The following ARNT2 variants were observed in gnomAD, a reference collection of about 807,000 sequenced individuals.
ARNT2 encodes the protein aryl hydrocarbon receptor nuclear translocator 2.
ARNT2 carries 36 observed loss-of-function variants against 91.7 expected under a neutral mutation model. The observed-to-expected ratio is 0.39, with a 90% CI of 0.30 to 0.52. ARNT2 has a LOEUF of 0.52. ARNT2 is among the 20% of genes least tolerant of loss of function. The probability of loss-of-function intolerance (pLI) is 0.72; values close to 1 mark genes in which losing one functional copy is unlikely to be tolerated. For synonymous variants in ARNT2, 365 were observed against 347.1 expected (o/e 1.05, Z -0.57); for missense variants, 775 against 939.3 (o/e 0.83, Z 2.29).
intron 5 of ARNT2, among the ~76,000 whole-genome samples, chr15:80,506,330 A>C (rs1031813155): frequency 2.6e-5 from 4 of 152,238 alleles, no homozygotes; most frequent in Non-Finnish European, 4.4e-5. Flanking sequence ...GCATGCTAGG[A>C]GAGAGTGGAC....
intron 6 of ARNT2, among the ~76,000 whole-genome samples, chr15:80,512,411 C>T (rs1897357517): frequency 6.6e-6 from 1 of 152,240 alleles, no homozygotes. Context: ...CCACCTGCCT[C>T]AGGTCACAGG....
At chr15:80,460,694 G>C (rs1373372216) in intron 3 of ARNT2, among the ~76,000 whole-genome samples, 1 of 152,232 alleles carries the variant, frequency 6.6e-6, no homozygotes, top group Non-Finnish European at 1.5e-5. Flanking sequence ...AGTGGGCTGA[G>C]GACTGATGGG....
chr15:80,423,470 G>T (rs1045432287), intron 1 of ARNT2, among the ~76,000 whole-genome samples: 1 of 152,092 alleles, frequency 6.6e-6, no homozygotes, highest in Non-Finnish European at 1.5e-5. Flanking sequence ...TTTTTTCAGT[G>T]TCTACTGAGA....
At position 80,515,640 on chromosome 15, in the gene ARNT2, G is replaced by A. The variant is rs1181666932; in HGVS notation, c.877+1235G>A. On this transcript the variant is annotated intron_variant, in intron 8 of 18. Coordinates refer to ENST00000303329, the MANE Select transcript of ARNT2 (RefSeq NM_014862.4). ...TGTTTCTTTTGGGGGTGACAGAGGTGTTCTAAAATTACATAGTGGTAATAG... is the reference window on the plus strand; with the variant it reads ...TGTTTCTTTTGGGGGTGACAGAGGTATTCTAAAATTACATAGTGGTAATAG... Among the ~76,000 whole-genome samples, 4 of 150,962 alleles carry A rather than the reference G, an allele frequency of 2.6e-5. No individual in the cohort carries two copies. The East Asian group carries it at 7.8e-4, about 29-fold the overall frequency.
At chr15:80,551,093 C>T in intron 8 of ARNT2, 106 bp from the exon 9 acceptor site, 1 of 1,107,640 alleles carries the variant, frequency 9.0e-7, no homozygotes, top group East Asian at 2.4e-5. Context: ...CCTGCATGGC[C>T]AACACTCACT....
At chr15:80,441,120 C>T (rs1463846214) in intron 1 of ARNT2, 1 of 723,100 alleles carries the variant, frequency 1.4e-6, no homozygotes, top group Non-Finnish European at 1.7e-6. Context: ...TCCAAGTAAC[C>T]GATTTTTCAG....
intron 6 of ARNT2, among the ~76,000 whole-genome samples, chr15:80,512,108 T>C (rs574821316): frequency 1.3e-5 from 2 of 152,292 alleles, no homozygotes; most frequent in Non-Finnish European, 2.9e-5. Flanking sequence ...TTAAAATAAG[T>C]ATCTATTTTC....
chr15:80,505,927 G>T (rs112959961), intron 5 of ARNT2, among the ~76,000 whole-genome samples: 3,381 of 88,868 alleles, frequency 0.038, 262 homozygotes, highest in African/African-American at 0.14. Context: ...AACATTTGTT[G>T]TTTTTTTTTT....
rs535133842 is a variant in ARNT2, at chr15:80,447,291, A to G, written c.32-3589A>G. 1.0e-3 allele frequency among the ~76,000 whole-genome samples: 154 copies of G among 152,320 alleles called. 1 individual carries two copies. The highest frequency in any genetic ancestry group is 1.8e-3 in the Non-Finnish European group (122 of 68,030). ...TGAATATTCTAATGTCTGTTGACAC[A>G]GACTGCTGAGCTCTCCTCTGGAAAG... On this transcript the variant is annotated intron_variant, in intron 1 of 18. Coordinates refer to ENST00000303329, the MANE Select transcript of ARNT2 (RefSeq NM_014862.4).
chr15:80,562,951 ACTGTCTTTTAGC>A, intron 11 of ARNT2, 125 bp from the exon 12 acceptor site: 1 of 923,110 alleles, frequency 1.1e-6, no homozygotes, highest in East Asian at 2.4e-5. Context: ...TCCCTCTCTT[ACTGTCTTTTAGC>A]CACAATGCCC....
intron 1 of ARNT2, among the ~76,000 whole-genome samples, chr15:80,426,806 C>A (rs1159346399): frequency 6.6e-6 from 1 of 152,186 alleles, no homozygotes; most frequent in Non-Finnish European, 1.5e-5. Flanking sequence ...TATCTTCTCA[C>A]TCTTCAGAGG....
chr15:80,436,295 G>A (rs946329564), intron 1 of ARNT2: 3 of 154,420 alleles, frequency 1.9e-5, no homozygotes, highest in Middle Eastern at 5.2e-4. Flanking sequence ...CAAAGAAGGC[G>A]ACAAGGAAAG....
At chr15:80,473,938 C>G (rs1250551543) in intron 4 of ARNT2, among the ~76,000 whole-genome samples, 1 of 152,178 alleles carries the variant, frequency 6.6e-6, no homozygotes, top group East Asian at 1.9e-4. Flanking sequence ...AAGATGTTTG[C>G]TAGCTGCTGA....
chr15:80,412,345 G>A (rs1474710282), intron 1 of ARNT2, among the ~76,000 whole-genome samples: 2 of 152,158 alleles, frequency 1.3e-5, no homozygotes, highest in African/African-American at 2.4e-5. Flanking sequence ...TGAGGAGTTG[G>A]TTGCTTTCTT....
At chr15:80,454,920 C>G (rs78357644) in intron 2 of ARNT2, among the ~76,000 whole-genome samples, 2,429 of 152,260 alleles carry the variant, frequency 0.016, 84 homozygotes, top group African/African-American at 0.056. Flanking sequence ...TTTCAGCCCC[C>G]TTTTTGAAGA....
At chr15:80,580,959 T>C (rs1898785101) in intron 16 of ARNT2, 1 of 522,350 alleles carries the variant, frequency 1.9e-6, no homozygotes, top group East Asian at 3.2e-5. Context: ...GAGTTCTAGG[T>C]GTTCATAATG....
intron 5 of ARNT2, among the ~76,000 whole-genome samples, chr15:80,478,508 A>G (rs1259743862): frequency 1.3e-5 from 2 of 152,254 alleles, no homozygotes; most frequent in East Asian, 3.8e-4. Flanking sequence ...CCAAGATGCC[A>G]GAGAAGGCCC....
At chr15:80,582,040 C>T (rs1267494789) in intron 17 of ARNT2, among the ~76,000 whole-genome samples, 1 of 152,214 alleles carries the variant, frequency 6.6e-6, no homozygotes, top group Non-Finnish European at 1.5e-5. Flanking sequence ...TGCTTTCTCA[C>T]AGTGAGGTCA....
intron 12 of ARNT2, among the ~76,000 whole-genome samples, chr15:80,571,228 A>G (rs1386747995): frequency 1.3e-5 from 2 of 152,214 alleles, no homozygotes; most frequent in African/African-American, 2.4e-5. Flanking sequence ...TCTCTAGCAG[A>G]GAAAGTCAAG....
Sources: gnomAD v4.1 joint callset for allele counts (sites outside exome capture counted in the v4.1 genomes callset) on GRCh38, gnomAD v4.1.1 for gene constraint, MANE v1.5 for transcripts, NCBI Gene and HGNC (gene_info 2026-07-23, HGNC 2026-07-21) for gene names.